Variants in SUGCT observed in about 807,000 individuals in gnomAD.
The protein encoded by SUGCT is succinyl-CoA:glutarate CoA-transferase.
SUGCT carries 41 observed loss-of-function variants against 55.0 expected under a neutral mutation model. That is an observed-to-expected ratio of 0.74 (90% CI 0.58 to 0.97). The LOEUF is 0.97. SUGCT is among the 50% of genes least tolerant of loss of function. The probability of loss-of-function intolerance (pLI) is 0.00; values close to 1 mark genes in which losing one functional copy is unlikely to be tolerated. For synonymous variants in SUGCT, 187 were observed against 200.4 expected, an observed-to-expected ratio of 0.93 and a Z score of 0.56; for missense variants, 568 against 547.8, an observed-to-expected ratio of 1.04 and a Z score of -0.37.
chr7:40,572,977 C>T (rs974757602), intron 12 of SUGCT, among the ~76,000 whole-genome samples: 5 of 152,252 alleles, frequency 3.3e-5, no homozygotes, highest in Middle Eastern at 6.8e-3. Context: ...TGAGAAACCC[C>T]GGGACTGAAG....
chr7:40,560,566 G>A lies in SUGCT; in HGVS notation c.1089+64180G>A, dbSNP rs531503388. On this transcript the variant is annotated intron_variant, in intron 12 of 13. Transcript: ENST00000335693. ...TTTTAGGAATGATGTACCTTAAGGT[G>A]AAATCCAATACTCCAAGGATCTTAG... Among the ~76,000 whole-genome samples the A allele has an allele frequency of 6.6e-5, 10 of 152,318 alleles. No individual in the cohort carries two copies. In the East Asian group the frequency reaches 1.9e-3, roughly 29 times the overall value.
intron 9 of SUGCT, among the ~76,000 whole-genome samples, chr7:40,404,034 G>A (rs1786228297): frequency 1.3e-5 from 2 of 152,268 alleles, no homozygotes; most frequent in African/African-American, 2.4e-5. Flanking sequence ...AGATAAGGAA[G>A]GGATCAGGAA....
At chr7:40,163,978 C>T (rs1428917787) in intron 1 of SUGCT, among the ~76,000 whole-genome samples, 1 of 152,036 alleles carries the variant, frequency 6.6e-6, no homozygotes, top group Non-Finnish European at 1.5e-5. Context: ...TGCACCACCA[C>T]ACCCAGTTAA....
At chr7:40,607,106 A>AT (rs201083553) in intron 12 of SUGCT, among the ~76,000 whole-genome samples, 6,726 of 141,032 alleles carry the variant, frequency 0.048, 471 homozygotes, top group African/African-American at 0.16. Context: ...CTTTTTCTGG[A>AT]TTTTTTTTTT....
chr7:40,277,301 C>T (rs1439663259), intron 8 of SUGCT, among the ~76,000 whole-genome samples: 50 of 152,080 alleles, frequency 3.3e-4, no homozygotes, highest in Admixed American at 3.3e-3. Flanking sequence ...TGTGCCTCAG[C>T]CTCCCGAGTA....
the SUGCT span, among the ~76,000 whole-genome samples, chr7:40,912,296 T>A: frequency 6.6e-6 from 1 of 152,208 alleles, no homozygotes; most frequent in African/African-American, 2.4e-5. Flanking sequence ...GGGGTCAAAA[T>A]TTTACTAATT....
the SUGCT span, among the ~76,000 whole-genome samples, chr7:40,972,503 A>G: frequency 8.5e-5 from 13 of 152,222 alleles, no homozygotes; most frequent in Admixed American, 8.5e-4. Context: ...GACCTGATTC[A>G]GTGGGCCCAG....
intron 1 of SUGCT, among the ~76,000 whole-genome samples, chr7:40,164,683 G>A (rs918496640): frequency 8.5e-5 from 13 of 152,068 alleles, no homozygotes; most frequent in African/African-American, 1.9e-4. Flanking sequence ...TTATCATCTC[G>A]ATGTGATTCT....
intron 9 of SUGCT, among the ~76,000 whole-genome samples, chr7:40,327,332 G>C (rs939613266): frequency 6.6e-6 from 1 of 152,198 alleles, no homozygotes; most frequent in East Asian, 1.9e-4. Context: ...ATAGGTCACT[G>C]GGCAGTCCAG....
At chr7:40,446,317 A>C (rs1788832091) in intron 9 of SUGCT, among the ~76,000 whole-genome samples, 1 of 152,090 alleles carries the variant, frequency 6.6e-6, no homozygotes, top group Non-Finnish European at 1.5e-5. Context: ...TTGTTACTTC[A>C]CATTTACTTA....
chr7:40,311,339 C>G (rs138240909), intron 8 of SUGCT, among the ~76,000 whole-genome samples: 60 of 152,256 alleles, frequency 3.9e-4, no homozygotes, highest in Admixed American at 1.4e-3. Flanking sequence ...TCTCTCTTGC[C>G]TCTTCTTAGT....
At chr7:40,804,197 G>A (rs1438885852) in intron 13 of SUGCT, among the ~76,000 whole-genome samples, 1 of 152,118 alleles carries the variant, frequency 6.6e-6, no homozygotes, top group East Asian at 1.9e-4. Context: ...TACATCTTGT[G>A]CATAAATATA....
chr7:40,708,710 T>C (rs1202644902), intron 12 of SUGCT, among the ~76,000 whole-genome samples: 3 of 152,126 alleles, frequency 2.0e-5, no homozygotes, highest in Non-Finnish European at 4.4e-5. Flanking sequence ...GCCTGAGCAC[T>C]CTAGATATCC....
intron 9 of SUGCT, among the ~76,000 whole-genome samples, chr7:40,433,584 A>G (rs1788020146): frequency 1.3e-5 from 2 of 152,122 alleles, no homozygotes; most frequent in Non-Finnish European, 2.9e-5. Context: ...CTTCAAGCTG[A>G]TGCAGTTGAT....
intron 12 of SUGCT, among the ~76,000 whole-genome samples, chr7:40,511,846 TGAAA>T (rs1190713148): frequency 2.0e-5 from 3 of 152,148 alleles, no homozygotes; most frequent in African/African-American, 4.8e-5. Context: ...TCCAAAAACA[TGAAA>T]GAATGAGTAG....
At chr7:40,357,031 A>G (rs1298994714) in intron 9 of SUGCT, among the ~76,000 whole-genome samples, 3 of 152,224 alleles carry the variant, frequency 2.0e-5, no homozygotes, top group Non-Finnish European at 4.4e-5. Flanking sequence ...AGCTGCTGTA[A>G]TCAGACACAA....
At chr7:40,954,507 G>C in the SUGCT span, among the ~76,000 whole-genome samples, 3 of 152,216 alleles carry the variant, frequency 2.0e-5, no homozygotes, top group Non-Finnish European at 4.4e-5. Context: ...GGGTACCTCA[G>C]TTGGAAATGC....
intron 12 of SUGCT, among the ~76,000 whole-genome samples, chr7:40,605,109 T>C (rs1416909200): frequency 6.6e-6 from 1 of 152,246 alleles, no homozygotes; most frequent in African/African-American, 2.4e-5. Context: ...GGGCAGATTT[T>C]CCTCTCAGGA....
At chr7:40,718,276 T>C (rs1260881419) in intron 12 of SUGCT, among the ~76,000 whole-genome samples, 2 of 152,196 alleles carry the variant, frequency 1.3e-5, no homozygotes, top group Non-Finnish European at 2.9e-5. Context: ...CAAAATCTTG[T>C]GAAAAATTTC....
Sources: gnomAD v4.1 joint callset for allele counts (sites outside exome capture counted in the v4.1 genomes callset) on GRCh38, gnomAD v4.1.1 for gene constraint, MANE v1.5 for transcripts, NCBI Gene and HGNC (gene_info 2026-07-23, HGNC 2026-07-21) for gene names.